Variants in RTTN observed in about 807,000 individuals in gnomAD.
RTTN encodes rotatin.
Under a neutral mutation model 269.2 loss-of-function variants are expected in RTTN, and 182 were observed. The ratio of observed to expected loss-of-function variants is 0.68; its 90% CI spans 0.60 to 0.76. The LOEUF is 0.76. Among genes scored for constraint, RTTN ranks in the 30% least tolerant of loss-of-function variants. RTTN has a pLI of 0.00. For synonymous variants in RTTN, 1,006 were observed against 963.5 expected, an observed-to-expected ratio of 1.04 and a Z score of -0.82; for missense variants, 2,545 against 2,608.6, an observed-to-expected ratio of 0.98 and a Z score of 0.53.
At chr18:70,045,744 A>T (rs1021271241) in intron 40 of RTTN, among the ~76,000 whole-genome samples, 5 of 152,206 alleles carry the variant, frequency 3.3e-5, no homozygotes, top group Non-Finnish European at 7.3e-5. Context: ...TTTCTAACAG[A>T]TGTCATGTAT....
At chr18:70,151,936 T>C (rs1430192560) in intron 14 of RTTN, among the ~76,000 whole-genome samples, 3 of 152,186 alleles carry the variant, frequency 2.0e-5, no homozygotes, top group Admixed American at 6.5e-5. Flanking sequence ...CCTCAGTCAG[T>C]ACTTCCTCAT....
At chr18:70,185,879 T>C (rs183708596) in intron 10 of RTTN, among the ~76,000 whole-genome samples, 12 of 152,060 alleles carry the variant, frequency 7.9e-5, no homozygotes, top group Admixed American at 6.5e-4. Context: ...ATACTAACAA[T>C]GAGCAATCCA....
intron 40 of RTTN, among the ~76,000 whole-genome samples, chr18:70,034,244 A>G (rs552635431): frequency 6.6e-6 from 1 of 152,264 alleles, no homozygotes; most frequent in East Asian, 1.9e-4. Flanking sequence ...ACTGGCAGAG[A>G]CACAACAACA....
intron 23 of RTTN, among the ~76,000 whole-genome samples, chr18:70,132,249 T>C (rs2145650706): frequency 6.6e-6 from 1 of 152,142 alleles, no homozygotes; most frequent in South Asian, 2.1e-4. Flanking sequence ...CACACACATA[T>C]AATAAAGTAG....
chr18:70,123,141 A>G (rs1360012169), intron 25 of RTTN, among the ~76,000 whole-genome samples: 1 of 152,160 alleles, frequency 6.6e-6, no homozygotes, highest in African/African-American at 2.4e-5. Context: ...CCATCCATTT[A>G]CGGATTCAAA....
chr18:70,189,695 T>C (rs568771852), intron 9 of RTTN, among the ~76,000 whole-genome samples: 2 of 152,242 alleles, frequency 1.3e-5, no homozygotes, highest in South Asian at 2.1e-4. Flanking sequence ...TTTGTAAAAA[T>C]GGAGATAAAA....
intron 14 of RTTN, among the ~76,000 whole-genome samples, chr18:70,164,289 T>C (rs2060928416): frequency 2.4e-5 from 1 of 41,532 alleles, no homozygotes; most frequent in African/African-American, 3.8e-5. Flanking sequence ...CACAGCTCTC[T>C]GTACCTTGAC....
intron 11 of RTTN, among the ~76,000 whole-genome samples, chr18:70,169,435 A>C (rs2061080268): frequency 6.6e-6 from 1 of 152,168 alleles, no homozygotes; most frequent in South Asian, 2.1e-4. Flanking sequence ...ACATGTACGC[A>C]AATCTCCCCA....
chr18:70,120,576 G>T (rs2059710625), intron 26 of RTTN, among the ~76,000 whole-genome samples: 1 of 151,782 alleles, frequency 6.6e-6, no homozygotes, highest in South Asian at 2.1e-4. Flanking sequence ...GTTTTGTTTT[G>T]TTTTTCTTCT....
intron 23 of RTTN, chr18:70,128,917 T>C (rs2059932030): frequency 1.1e-5 from 2 of 177,814 alleles, no homozygotes; most frequent in South Asian, 2.8e-4. Flanking sequence ...TTATTTTGTA[T>C]CATTCATTCA....
intron 40 of RTTN, 193 bp from the exon 41 acceptor site, chr18:70,031,174 A>G: frequency 1.8e-6 from 1 of 550,182 alleles, no homozygotes; most frequent in Admixed American, 3.6e-5. Context: ...TGCTTATAAT[A>G]TGGAAAAGAA....
intron 14 of RTTN, among the ~76,000 whole-genome samples, chr18:70,162,886 G>GAAAAAAAAAAAAAAA (rs5825997): frequency 2.0e-5 from 1 of 50,196 alleles, no homozygotes. Flanking sequence ...AATAAAAGTT[G>GAAAAAAAAAAAAAAA]AAAAAAAAAA....
intron 13 of RTTN, 176 bp from the exon 14 acceptor site, chr18:70,166,364 G>A (rs2060986764): frequency 1.9e-6 from 1 of 520,636 alleles, no homozygotes; most frequent in Non-Finnish European, 3.2e-6. Context: ...CAGGGCAGAG[G>A]AGGTTCTGTC....
intron 19 of RTTN, among the ~76,000 whole-genome samples, chr18:70,140,561 AT>A (rs763870902): frequency 4.6e-5 from 7 of 152,094 alleles, no homozygotes; most frequent in South Asian, 2.1e-4. Context: ...TCACCTTCAA[AT>A]GTTTATAATT....
At chr18:70,199,207 T>C (rs987077517) in intron 5 of RTTN, among the ~76,000 whole-genome samples, 7 of 151,956 alleles carry the variant, frequency 4.6e-5, no homozygotes, top group South Asian at 2.1e-4. Context: ...AATAAATAAA[T>C]AAAAGAAACT....
chr18:70,188,414 C>T lies in RTTN; in HGVS notation c.1190-191G>A, dbSNP rs139417225. The stretch of plus-strand genomic sequence containing the variant: ...GAAGGCTTCTGTTCCAGTCACAGTA[C>T]TACTTTACTACATAACAAATCAAAT... On this transcript the variant is annotated intron_variant, in intron 9 of 48. Transcript: ENST00000640769. Among the ~76,000 whole-genome samples the T allele has an allele frequency of 5.9e-5, 9 of 152,248 alleles. No individual in the cohort carries two copies. In the East Asian group the frequency reaches 1.7e-3, roughly 29 times the overall value.
At chr18:70,053,152 A>C (rs1225659471) in intron 38 of RTTN, 1 of 152,236 alleles carries the variant, frequency 6.6e-6, no homozygotes, top group Non-Finnish European at 1.5e-5. Context: ...CATCTTGTGT[A>C]TCTTCCATGA....
intron 14 of RTTN, among the ~76,000 whole-genome samples, chr18:70,160,657 G>C (rs1169277163): frequency 9.4e-6 from 1 of 106,166 alleles, no homozygotes; most frequent in Admixed American, 9.3e-5. Context: ...TTCTATACCT[G>C]AAAAAAAAAA....
At chr18:70,200,593 G>GT (rs2061922213) in intron 4 of RTTN, among the ~76,000 whole-genome samples, 1 of 152,170 alleles carries the variant, frequency 6.6e-6, no homozygotes, top group South Asian at 2.1e-4. Flanking sequence ...GGCTTAACAA[G>GT]TTTTCAGTTC....
Sources: allele counts gnomAD v4.1 joint callset (sites outside exome capture counted in the v4.1 genomes callset), GRCh38; gene constraint gnomAD v4.1.1; transcripts MANE v1.5; gene names NCBI Gene and HGNC (gene_info 2026-07-23, HGNC 2026-07-21).